Variants in GLCE observed in about 807,000 individuals in gnomAD.
The protein encoded by GLCE is glucuronic acid epimerase.
Under a neutral mutation model 47.9 loss-of-function variants are expected in GLCE, and 19 were observed. The observed-to-expected ratio is 0.40, with a 90% CI of 0.28 to 0.58. GLCE has a LOEUF of 0.58. Among genes scored for constraint, GLCE ranks in the 20% least tolerant of loss-of-function variants. GLCE has a pLI of 0.48. For synonymous variants in GLCE, 245 were observed against 263.4 expected (o/e 0.93, Z 0.68); for missense variants, 556 against 743.3 (o/e 0.75, Z 2.93).
At chr15:69,205,096 A>T (rs1371221668) in intron 1 of GLCE, among the ~76,000 whole-genome samples, 4 of 152,100 alleles carry the variant, frequency 2.6e-5, no homozygotes, top group African/African-American at 9.7e-5. Flanking sequence ...CCACCATCAC[A>T]GTCAATATCC....
chr15:69,211,586 C>T (rs1256632089), intron 2 of GLCE, among the ~76,000 whole-genome samples: 1 of 151,502 alleles, frequency 6.6e-6, no homozygotes, highest in African/African-American at 2.4e-5. Flanking sequence ...AAATTGGAGC[C>T]TAGAAAGTCT....
At chr15:69,243,080 AG>A (rs1403614094) in intron 2 of GLCE, among the ~76,000 whole-genome samples, 22 of 151,090 alleles carry the variant, frequency 1.5e-4, no homozygotes, top group African/African-American at 4.4e-4. Context: ...AAAAAAAGAA[AG>A]AAAGAAATGA....
chr15:69,167,405 C>CA (rs1159176985), intron 1 of GLCE, among the ~76,000 whole-genome samples: 1 of 152,224 alleles, frequency 6.6e-6, no homozygotes, highest in Non-Finnish European at 1.5e-5. Flanking sequence ...CACATGGAGA[C>CA]ACGCCAGTGC....
In GLCE at chr15:69,261,300, T is replaced by C; in HGVS notation, c.800T>C (p.Phe267Ser). 1 of 1,614,020 alleles carries C rather than the reference T, an allele frequency of 6.2e-7. No homozygotes were observed. The highest frequency in any genetic ancestry group is 8.5e-7 in the Non-Finnish European group (1 of 1,179,966). Residue 267 changes from phenylalanine to serine, a missense_variant, in exon 4 of 5, where the codon TTC (phenylalanine) becomes TCC (serine). Physicochemically the swap from Phe to Ser is radical, Grantham distance 155 (BLOSUM62 -2). Around this residue, in one of 3 missense-constraint regions of GLCE, gnomAD observed 74 missense variants for 64.4 expected, o/e 1.15. Coordinates refer to ENST00000261858, the MANE Select transcript of GLCE (RefSeq NM_015554.3). ...FMANVADKSR[F>S]TNVKQFIAPE... Reference sequence around the variant, plus strand: ...GCGAATGTGGCTGATAAGTCTAGATTCACCAATGTCAAACAGTTTATTGCA... The same window carrying C: ...GCGAATGTGGCTGATAAGTCTAGATCCACCAATGTCAAACAGTTTATTGCA...
At chr15:69,194,527 T>C (rs1164896226) in intron 1 of GLCE, 1 of 152,172 alleles carries the variant, frequency 6.6e-6, no homozygotes, top group Non-Finnish European at 1.5e-5. Flanking sequence ...GAGAGAAGGG[T>C]AAAAATAATT....
intron 4 of GLCE, among the ~76,000 whole-genome samples, chr15:69,262,724 A>G (rs899460262): frequency 3.3e-5 from 5 of 152,098 alleles, no homozygotes; most frequent in African/African-American, 4.8e-5. Flanking sequence ...ACTACTTCCT[A>G]AGATGGTTTT....
At chr15:69,248,072 C>T (rs892341205) in intron 2 of GLCE, among the ~76,000 whole-genome samples, 1 of 152,056 alleles carries the variant, frequency 6.6e-6, no homozygotes, top group African/African-American at 2.4e-5. Flanking sequence ...GTATTATGAG[C>T]ACTTGTATCA....
rs1303300975 is a variant in GLCE at position 69,261,119 on chromosome 15, G to A, written c.619G>A (p.Gly207Ser). 1 of 1,613,232 alleles carries A rather than the reference G, an allele frequency of 6.2e-7. No homozygotes were observed. Among genetic ancestry groups the A allele is most frequent in the South Asian group, 1.1e-5 (1 of 91,072 alleles). The change falls in exon 4 of 5, where the codon GGC becomes AGC. Residue 207 changes from glycine to serine, a missense_variant. Physicochemically the swap from Gly to Ser is moderately conservative, Grantham distance 56 (BLOSUM62 0). This residue lies in a region of GLCE where 237 missense variants were observed against 310.9 expected (regional missense o/e 0.76). Coordinates refer to ENST00000261858, the MANE Select transcript of GLCE (RefSeq NM_015554.3). ...VPLSTQWGPQ[G>S]YFYPIQIAQY... ...ATTATCTACACAATGGGGACCTCAA[G>A]GCTATTTCTATCCAATCCAGATTGC...
chr15:69,230,308 T>TA (rs894520843), intron 2 of GLCE, among the ~76,000 whole-genome samples: 1 of 151,512 alleles, frequency 6.6e-6, no homozygotes, highest in African/African-American at 2.4e-5. Context: ...TAGTATCAGA[T>TA]AAAGTAGATT....
chr15:69,224,188 T>A (rs1332559388), intron 2 of GLCE, among the ~76,000 whole-genome samples: 1 of 152,238 alleles, frequency 6.6e-6, no homozygotes, highest in East Asian at 1.9e-4. Context: ...AGTCTGGAAA[T>A]CAGATTTTCT....
intron 2 of GLCE, among the ~76,000 whole-genome samples, chr15:69,211,518 G>A (rs1278470822): frequency 4.0e-5 from 6 of 151,772 alleles, no homozygotes; most frequent in Admixed American, 1.3e-4. Flanking sequence ...GCTTACACTT[G>A]TTTGTGATTC....
chr15:69,203,890 A>T (rs2052111162), intron 1 of GLCE, among the ~76,000 whole-genome samples: 1 of 152,150 alleles, frequency 6.6e-6, no homozygotes, highest in Non-Finnish European at 1.5e-5. Flanking sequence ...AAAACAAATA[A>T]TTGAGTTTAG....
At chr15:69,207,429 A>G (rs571567498) in intron 1 of GLCE, among the ~76,000 whole-genome samples, 84 of 150,798 alleles carry the variant, frequency 5.6e-4, no homozygotes, top group African/African-American at 1.9e-3. Context: ...CCATACCCCA[A>G]CTCCTCTCCT....
intron 1 of GLCE, among the ~76,000 whole-genome samples, chr15:69,162,264 C>G (rs1383783815): frequency 6.6e-6 from 1 of 151,620 alleles, no homozygotes; most frequent in African/African-American, 2.4e-5. Context: ...TGGTAACTAG[C>G]GTAGGCGTAG....
chr15:69,242,098 G>A lies in GLCE; in HGVS notation c.-13-13696G>A, dbSNP rs78245330. Reference sequence around the variant, plus strand: ...AATGAATGTAAAAGTACTTTGCAGTGTAGATAAGGAAATCCATAGCTACAA... The same window carrying A: ...AATGAATGTAAAAGTACTTTGCAGTATAGATAAGGAAATCCATAGCTACAA... On this transcript the variant is annotated intron_variant, in intron 2 of 4. Coordinates refer to ENST00000261858, the MANE Select transcript of GLCE (RefSeq NM_015554.3). Among the ~76,000 whole-genome samples, 614 of 152,278 alleles carry A rather than the reference G, an allele frequency of 4.0e-3. 6 individuals are homozygous for A. The East Asian group carries it at 0.044, about 11-fold the overall frequency.
At chr15:69,265,827 A>C (rs1326296573) in intron 4 of GLCE, among the ~76,000 whole-genome samples, 1 of 152,158 alleles carries the variant, frequency 6.6e-6, no homozygotes, top group Non-Finnish European at 1.5e-5. Context: ...ATTGTTATCC[A>C]GTTTGGCCAG....
At chr15:69,260,808 G>A in intron 3 of GLCE, 2 of 341,630 alleles carry the variant, frequency 5.9e-6, no homozygotes, top group Non-Finnish European at 1.1e-5. Flanking sequence ...ATGAGCAAAA[G>A]TAACACACAC....
At chr15:69,227,644 T>C (rs2052468405) in intron 2 of GLCE, among the ~76,000 whole-genome samples, 1 of 152,244 alleles carries the variant, frequency 6.6e-6, no homozygotes, top group Non-Finnish European at 1.5e-5. Context: ...ACAGTCTTTG[T>C]GTGCAGCAAA....
At chr15:69,227,367 C>G (rs1260325131) in intron 2 of GLCE, among the ~76,000 whole-genome samples, 2 of 152,058 alleles carry the variant, frequency 1.3e-5, no homozygotes, top group African/African-American at 4.8e-5. Flanking sequence ...TATGATAACT[C>G]AAGTCACTAG....
Sources: allele counts gnomAD v4.1 joint callset (sites outside exome capture counted in the v4.1 genomes callset), GRCh38; gene constraint gnomAD v4.1.1; regional missense constraint gnomAD v4.1.1; transcripts MANE v1.5; gene names NCBI Gene and HGNC (gene_info 2026-07-23, HGNC 2026-07-21).